Variants in XRN1 observed in about 807,000 individuals in gnomAD.
XRN1 encodes strand-exchange protein 1 homolog.
A neutral mutation model predicts 222.3 loss-of-function variants in XRN1; 67 were observed. The observed-to-expected ratio is 0.30, with a 90% CI of 0.25 to 0.37. The LOEUF (loss-of-function observed/expected upper bound fraction) is 0.37. XRN1 is among the 10% of genes least tolerant of loss of function. XRN1 has a pLI of 1.00. For missense variants in XRN1, 1,707 were observed against 2,000.2 expected (o/e 0.85, Z 2.80); for synonymous variants, 643 against 652.4 (o/e 0.99, Z 0.22).
At position 142,432,943 on chromosome 3, in the gene XRN1, G is replaced by T. The variant is rs1391304689; in HGVS notation, c.76-50C>A. 3 of 1,383,516 alleles carry T rather than the reference G, an allele frequency of 2.2e-6. No individual in the cohort carries two copies. In the South Asian group the frequency reaches 3.8e-5, roughly 18 times the overall value. 85.7% of individuals were successfully genotyped at this position (1,383,516 alleles called of 1,614,324 possible). A position where few individuals can be genotyped will look rare whatever the true frequency, so the allele number is the denominator to read the frequency against. On this transcript the variant is annotated intron_variant, in intron 1 of 40. Transcript: ENST00000392981. ...AGATCATTTATTTTAATCAACTACA[G>T]ATATCTTAAGCAGCAGGGAAAAGTG...
At position 142,421,491 on chromosome 3, in the gene XRN1, A is replaced by G; in HGVS notation, c.1020T>C (p.Leu340=). The G allele has an allele frequency of 6.2e-7, 1 of 1,608,740 alleles. No homozygotes were observed. Among genetic ancestry groups the G allele is most frequent in the South Asian group, 1.1e-5 (1 of 89,992 alleles). The change falls in exon 9 of 41, where the codon CTT becomes CTC. Residue 340 remains leucine (L), a synonymous_variant. Coordinates refer to ENST00000392981, the MANE Select transcript of XRN1 (RefSeq NM_001282857.2). ...AGTTACTTACATCTGATAGTTTCAC[A>G]AGGTATTTCTCAAATCGAGGTAAGT... ...HLNLPRFEKY[L]VKLSDFDREH...
chr3:142,315,699 T>C (rs2065195462), intron 39 of XRN1, among the ~76,000 whole-genome samples: 1 of 151,814 alleles, frequency 6.6e-6, no homozygotes, highest in Non-Finnish European at 1.5e-5. Flanking sequence ...GTATTTTTAG[T>C]AGAGACGGTT....
intron 32 of XRN1, 139 bp downstream of exon 32, chr3:142,355,262 A>AAG: frequency 2.1e-6 from 1 of 473,316 alleles, no homozygotes; most frequent in Non-Finnish European, 3.4e-6. Flanking sequence ...TTAAAAAAAG[A>AAG]AAAAGAAAAT....
intron 1 of XRN1, among the ~76,000 whole-genome samples, chr3:142,444,947 T>C (rs940674622): frequency 1.3e-5 from 2 of 152,262 alleles, no homozygotes; most frequent in Non-Finnish European, 2.9e-5. Flanking sequence ...TTCTATATGC[T>C]ATATGCTATA....
intron 13 of XRN1, among the ~76,000 whole-genome samples, chr3:142,416,344 A>T (rs1490940670): frequency 6.6e-6 from 1 of 151,980 alleles, no homozygotes; most frequent in Non-Finnish European, 1.5e-5. Context: ...CACCATGCCC[A>T]GCTAATTTTT....
At chr3:142,377,012 T>C (rs2067164507) in intron 23 of XRN1, among the ~76,000 whole-genome samples, 3 of 152,096 alleles carry the variant, frequency 2.0e-5, no homozygotes, top group African/African-American at 2.4e-5. Flanking sequence ...AATTATTACA[T>C]TGAATTAAAA....
At position 142,447,088 on chromosome 3, in the gene XRN1, C is replaced by T. The variant is rs748932364; in HGVS notation, c.75+782G>A. Among the ~76,000 whole-genome samples the T allele has an allele frequency of 1.1e-4, 17 of 152,226 alleles. No individual in the cohort carries two copies. Among genetic ancestry groups the T allele is most frequent in the Non-Finnish European group, 2.4e-4 (16 of 68,040 alleles). On this transcript the variant is annotated intron_variant, in intron 1 of 40. Coordinates refer to ENST00000392981, the MANE Select transcript of XRN1 (RefSeq NM_001282857.2). The surrounding 1 kb of genome is among the most constrained non-coding windows in gnomAD (Gnocchi z 4.2). ...CTAATAGACGACTGCTTTCTCCTCT[C>T]TTTCCACAGTTCCAATATATAAACT...
chr3:142,448,027 G>T lies in XRN1; in HGVS notation c.-83C>A. The T allele has an allele frequency of 6.9e-7, 1 of 1,458,138 alleles. No homozygotes were observed. The highest frequency in any genetic ancestry group is 9.5e-7 in the Non-Finnish European group (1 of 1,049,256). The allele number at this position is 1,458,138 out of a possible 1,614,324, so 90.3% of individuals were successfully genotyped here. ...GGCTCCGCCGCAGCCTCCGGTCGTCGCTCCGCGGATGACAACACACCGCCC... is the reference window on the plus strand; with the variant it reads ...GGCTCCGCCGCAGCCTCCGGTCGTCTCTCCGCGGATGACAACACACCGCCC... On this transcript the variant is annotated 5_prime_UTR_variant, in exon 1 of 41. Transcript: ENST00000392981.
chr3:142,365,245 T>C, intron 28 of XRN1, 65 bp downstream of exon 28: 3 of 1,579,990 alleles, frequency 1.9e-6, no homozygotes, highest in Non-Finnish European at 2.6e-6. Flanking sequence ...ACTGAAAACA[T>C]CTTTGCTCCT....
In XRN1 at chr3:142,400,380, T is replaced by C. The variant is rs1423675304; in HGVS notation, c.2207+64A>G. On this transcript the variant is annotated intron_variant, in intron 19 of 40. Transcript: ENST00000392981. ...TTTGTCAGTTAAAAAAATGAATCAATAAAAGCCATCAAAGTCACAAAGCAA... is the reference window on the plus strand; with the variant it reads ...TTTGTCAGTTAAAAAAATGAATCAACAAAAGCCATCAAAGTCACAAAGCAA... 3.0e-6 allele frequency: 4 copies of C among 1,338,198 alleles called. No homozygotes were observed. In the African/African-American group the frequency reaches 4.4e-5, roughly 15 times the overall value. 82.9% of individuals were successfully genotyped at this position (1,338,198 alleles called of 1,614,324 possible).
At chr3:142,345,982 A>T (rs979594838) in intron 33 of XRN1, among the ~76,000 whole-genome samples, 1 of 152,222 alleles carries the variant, frequency 6.6e-6, no homozygotes, top group Non-Finnish European at 1.5e-5. Flanking sequence ...TTATACAAAA[A>T]GCTGAACTTA....
At chr3:142,361,065 T>C (rs1456766559) in intron 29 of XRN1, among the ~76,000 whole-genome samples, 1 of 152,200 alleles carries the variant, frequency 6.6e-6, no homozygotes, top group Non-Finnish European at 1.5e-5. Flanking sequence ...ATCCTCCTAA[T>C]CTAGGCAACT....
At chr3:142,395,772 T>C (rs73238177) in intron 20 of XRN1, among the ~76,000 whole-genome samples, 7,122 of 152,328 alleles carry the variant, frequency 0.047, 209 homozygotes, top group Middle Eastern at 0.071. Context: ...CTCTTCTAGC[T>C]GTCCTCCTAC....
chr3:142,416,753 C>T (rs2068804112), intron 13 of XRN1, among the ~76,000 whole-genome samples: 2 of 151,716 alleles, frequency 1.3e-5, no homozygotes, highest in African/African-American at 4.8e-5. Flanking sequence ...AAGTAGAGGC[C>T]GGGTGCAGTG....
intron 3 of XRN1, 82 bp downstream of exon 3, chr3:142,426,662 C>A (rs901218113): frequency 1.6e-5 from 21 of 1,329,864 alleles, no homozygotes; most frequent in Non-Finnish European, 1.1e-6. Flanking sequence ...ATAAATAGAG[C>A]ATAGAAAATA....
intron 29 of XRN1, among the ~76,000 whole-genome samples, chr3:142,363,195 T>C (rs1021397531): frequency 2.6e-5 from 4 of 152,158 alleles, no homozygotes; most frequent in Non-Finnish European, 4.4e-5. Context: ...CTTCAATTCA[T>C]TTTGAGCTAA....
At chr3:142,369,480 C>T (rs535960715) in intron 27 of XRN1, among the ~76,000 whole-genome samples, 44 of 151,056 alleles carry the variant, frequency 2.9e-4, no homozygotes, top group Non-Finnish European at 8.9e-5. Context: ...AACTCCGTCT[C>T]TACTAAAAAA....
chr3:142,383,272 T>C lies in XRN1; in HGVS notation c.2616+28A>G, dbSNP rs374884416. The C allele has an allele frequency of 2.6e-6, 4 of 1,540,742 alleles. No individual in the cohort carries two copies. In the African/African-American group the frequency reaches 5.5e-5, roughly 21 times the overall value. ...GTAACTGCTTTAAACTAGAGAAAAA[T>C]GTATCAGTAACAATAATGGAAACTA... On this transcript the variant is annotated intron_variant, in intron 22 of 40. Coordinates refer to ENST00000392981, the MANE Select transcript of XRN1 (RefSeq NM_001282857.2).
At position 142,417,161 on chromosome 3, in the gene XRN1, T is replaced by A. The variant is rs558082156; in HGVS notation, c.1415A>T (p.His472Leu). 2 of 1,613,508 alleles carry A rather than the reference T, an allele frequency of 1.2e-6. No homozygotes were observed. Among genetic ancestry groups the A allele is most frequent in the South Asian group, 2.2e-5 (2 of 91,002 alleles). ...TCACCAGCTCCAGGACTGAACTCCA[T>A]GATAGTAATAGTGCAAAATCCACTG... ...AIQWILHYYY[H>L]GVQSWSWYYP... Residue 472 changes from histidine (H) to leucine (L), a missense_variant, in exon 13 of 41, where the codon CAT (histidine) becomes CTT (leucine). Physicochemically the swap from His to Leu is moderately conservative, Grantham distance 99. Coordinates refer to ENST00000392981, the MANE Select transcript of XRN1 (RefSeq NM_001282857.2).
Sources: allele counts gnomAD v4.1 joint callset (sites outside exome capture counted in the v4.1 genomes callset), GRCh38; gene constraint gnomAD v4.1.1; non-coding constraint Gnocchi (gnomAD v3.1); transcripts MANE v1.5; gene names NCBI Gene and HGNC (gene_info 2026-07-23, HGNC 2026-07-21).